The following MORC1 variants were observed in gnomAD, a reference collection of about 807,000 sequenced individuals.
MORC1 encodes MORC family CW-type zinc finger protein 1.
A neutral mutation model predicts 134.9 loss-of-function variants in MORC1; 59 were observed. That is an observed-to-expected ratio of 0.44 (90% CI 0.35 to 0.54). The LOEUF (loss-of-function observed/expected upper bound fraction) is 0.54. MORC1 is among the 20% of genes least tolerant of loss of function. The pLI is 0.00. For missense variants in MORC1, 947 were observed against 1,134.5 expected, an observed-to-expected ratio of 0.83 and a Z score of 2.37; for synonymous variants, 395 against 391.7, an observed-to-expected ratio of 1.01 and a Z score of -0.10.
chr3:108,991,214 C>A (rs1422787008), intron 21 of MORC1, among the ~76,000 whole-genome samples: 2 of 152,164 alleles, frequency 1.3e-5, no homozygotes, highest in African/African-American at 4.8e-5. Context: ...ATGACATATT[C>A]TGGATGATAT....
chr3:109,001,577 C>A (rs1299651371), intron 20 of MORC1, among the ~76,000 whole-genome samples: 1 of 152,160 alleles, frequency 6.6e-6, no homozygotes, highest in Non-Finnish European at 1.5e-5. Context: ...CTTCAAATCA[C>A]CCTTTTCCCC....
At chr3:108,985,014 T>C (rs540630222) in intron 22 of MORC1, among the ~76,000 whole-genome samples, 5 of 152,018 alleles carry the variant, frequency 3.3e-5, no homozygotes, top group African/African-American at 1.2e-4. Flanking sequence ...AGAGTGTAGC[T>C]TTTTTTTGGT....
chr3:108,974,813 C>G (rs746295718), intron 24 of MORC1, among the ~76,000 whole-genome samples: 1 of 152,204 alleles, frequency 6.6e-6, no homozygotes, highest in African/African-American at 2.4e-5. Context: ...AGATATCTTC[C>G]AAAGTTGTTA....
At chr3:109,012,032 A>G (rs1047578106) in intron 17 of MORC1, among the ~76,000 whole-genome samples, 1 of 152,212 alleles carries the variant, frequency 6.6e-6, no homozygotes, top group Admixed American at 6.5e-5. Context: ...TATATGCCAA[A>G]TATCAGGTCA....
At chr3:109,006,814 A>G (rs1394173385) in intron 18 of MORC1, among the ~76,000 whole-genome samples, 1 of 152,216 alleles carries the variant, frequency 6.6e-6, no homozygotes, top group South Asian at 2.1e-4. Context: ...AGGAAGTAAG[A>G]TAATGGGTGA....
chr3:108,982,692 C>T (rs1947769006), intron 23 of MORC1, among the ~76,000 whole-genome samples: 1 of 144,216 alleles, frequency 6.9e-6, no homozygotes, highest in African/African-American at 2.6e-5. Flanking sequence ...AACAAACCCA[C>T]ACGTTGTGCA....
At chr3:109,004,506 T>C (rs1477810652) in intron 20 of MORC1, among the ~76,000 whole-genome samples, 1 of 152,090 alleles carries the variant, frequency 6.6e-6, no homozygotes, top group Non-Finnish European at 1.5e-5. Context: ...TGAGGGCAAA[T>C]TCTCAAAAAA....
chr3:109,083,939 T>G (rs561659953), intron 8 of MORC1, among the ~76,000 whole-genome samples: 1 of 152,130 alleles, frequency 6.6e-6, no homozygotes, highest in African/African-American at 2.4e-5. Context: ...TGATGAAAAA[T>G]CATTCAAGAA....
chr3:109,102,814 T>A (rs1950954752), intron 4 of MORC1, among the ~76,000 whole-genome samples: 1 of 152,208 alleles, frequency 6.6e-6, no homozygotes, highest in South Asian at 2.1e-4. Context: ...AAAAATTACT[T>A]TTTTCAGCAT....
chr3:108,994,865 A>G (rs1002779575), intron 21 of MORC1, among the ~76,000 whole-genome samples: 4 of 152,066 alleles, frequency 2.6e-5, no homozygotes, highest in Non-Finnish European at 5.9e-5. Context: ...TATTCTTCCC[A>G]GTCACCTTTC....
intron 17 of MORC1, among the ~76,000 whole-genome samples, chr3:109,019,772 T>C (rs1948911579): frequency 6.6e-6 from 1 of 152,234 alleles, no homozygotes; most frequent in South Asian, 2.1e-4. Context: ...TAAGTGTTAT[T>C]ATCATTTCAC....
chr3:109,084,765 C>G (rs1226702361), intron 8 of MORC1, among the ~76,000 whole-genome samples: 4 of 151,926 alleles, frequency 2.6e-5, no homozygotes, highest in African/African-American at 7.3e-5. Flanking sequence ...ATTATAGTAA[C>G]CAAATCAGCA....
rs148181269 is a variant in MORC1, at chr3:108,979,969, T to A, written c.2325-302A>T. Among the ~76,000 whole-genome samples the A allele has an allele frequency of 8.4e-3, 1,284 of 152,266 alleles. 8 individuals are homozygous for A. The highest frequency in any genetic ancestry group is 0.013 in the Non-Finnish European group (877 of 68,022). On this transcript the variant is annotated intron_variant, in intron 23 of 27. Transcript: ENST00000232603. The stretch of plus-strand genomic sequence containing the variant: ...GTCTTTCACTTGATGAAAGAGACTT[T>A]TTAAACCTGTTAAACAACTATACAA...
chr3:109,093,502 T>C lies in MORC1; in HGVS notation c.623A>G (p.Asn208Ser). The C allele has an allele frequency of 6.2e-7, 1 of 1,613,862 alleles. No individual in the cohort carries two copies. The highest frequency in any genetic ancestry group is 1.1e-5 in the South Asian group (1 of 91,060). ...TTTAACATCCAACTCTGGTTCTCCA[T>C]TAAGCAGAAGCTTCAAGTTATAAAT... ...LVIYNLKLLL[N>S]GEPELDVKTD... The change falls in exon 8 of 28, where the codon AAT becomes AGT. Residue 208 changes from asparagine to serine, a missense_variant. Coordinates refer to ENST00000232603, the MANE Select transcript of MORC1 (RefSeq NM_014429.4).
At chr3:109,017,757 T>C (rs1948850567) in intron 17 of MORC1, among the ~76,000 whole-genome samples, 1 of 152,202 alleles carries the variant, frequency 6.6e-6, no homozygotes, top group South Asian at 2.1e-4. Context: ...GCATCTTTTT[T>C]TATCATCATC....
At chr3:108,967,571 T>C (rs1947258563) in intron 26 of MORC1, among the ~76,000 whole-genome samples, 1 of 152,248 alleles carries the variant, frequency 6.6e-6, no homozygotes, top group Admixed American at 6.5e-5. Context: ...TGATGTAATG[T>C]CAGGTCTCTA....
rs1172824944 is a variant in MORC1 at position 108,979,497 on chromosome 3, G to A, written c.2477+18C>T. The A allele has an allele frequency of 1.2e-6, 2 of 1,611,644 alleles. No homozygotes were observed. ...AGTTAAACAAAGCATGTGGAAATATGTGAGTAAATATCTTTACCTTAACTT... is the reference window on the plus strand; with the variant it reads ...AGTTAAACAAAGCATGTGGAAATATATGAGTAAATATCTTTACCTTAACTT... On this transcript the variant is annotated intron_variant, in intron 24 of 27. Coordinates refer to ENST00000232603, the MANE Select transcript of MORC1 (RefSeq NM_014429.4).
In MORC1 at chr3:109,059,866, A is replaced by T; in HGVS notation, c.971T>A (p.Val324Glu). ...DRTSLSSAKDVLQRALEDVEA... is the reference protein window; with the variant it reads ...DRTSLSSAKDELQRALEDVEA... ...TACATCTTCCAAAGCTCTCTGTAAT[A>T]CATCCTGGAGAAATGCATTGGTTGG... Residue 324 changes from valine to glutamate, a missense_variant, in exon 12 of 28, where the codon GTA (valine) becomes GAA (glutamate). By Grantham distance (121) the Val-to-Glu change is moderately radical. Coordinates refer to ENST00000232603, the MANE Select transcript of MORC1 (RefSeq NM_014429.4). 6.2e-7 allele frequency: 1 copy of T among 1,611,858 alleles called. No individual in the cohort carries two copies. Among genetic ancestry groups the T allele is most frequent in the Non-Finnish European group, 8.5e-7 (1 of 1,178,954 alleles).
chr3:109,062,085 A>T (rs1016093317), intron 10 of MORC1, 27 bp from the exon 11 acceptor site: 1 of 1,605,166 alleles, frequency 6.2e-7, no homozygotes, highest in East Asian at 2.2e-5. Context: ...AATAGTTATA[A>T]CACAGCAAAA....
Sources: gnomAD v4.1 joint callset for allele counts (sites outside exome capture counted in the v4.1 genomes callset) on GRCh38, gnomAD v4.1.1 for gene constraint, MANE v1.5 for transcripts, NCBI Gene and HGNC (gene_info 2026-07-23, HGNC 2026-07-21) for gene names.